ATRNL1: variants seen among roughly 807,000 people sequenced by gnomAD.
The protein encoded by ATRNL1 is attractin like 1, also known as attractin-like protein 1.
ATRNL1 carries 95 observed loss-of-function variants against 182.7 expected under a neutral mutation model. That is an observed-to-expected ratio of 0.52 (90% CI 0.44 to 0.62). ATRNL1 has a LOEUF of 0.62. Ranked by LOEUF, ATRNL1 falls within the 20% of genes least tolerant of loss-of-function variation. The pLI, the probability that ATRNL1 is intolerant of heterozygous loss-of-function variation, is 0.00. For synonymous variants in ATRNL1, 576 were observed against 568.3 expected, an observed-to-expected ratio of 1.01 and a Z score of -0.19; for missense variants, 1,471 against 1,679.5, an observed-to-expected ratio of 0.88 and a Z score of 2.17.
intron 27 of ATRNL1, among the ~76,000 whole-genome samples, chr10:115,733,723 TA>T (rs1555064194): frequency 6.6e-6 from 1 of 152,192 alleles, no homozygotes; most frequent in Non-Finnish European, 1.5e-5. Context: ...GCAGCTTATT[TA>T]ATTTTCCCCA....
chr10:115,868,822 C>CTTTTTTTTTTTTTTTTTTTTTT lies in ATRNL1; in HGVS notation c.4018+20835_4018+20856dup, dbSNP rs67676674. ...ATATATCTGGTGGCAAGTCTTTATT[C>CTTTTTTTTTTTTTTTTTTTTTT]TTTTTTTTTTTTTTTTTTTTTTTTT... On this transcript the variant is annotated intron_variant, in intron 28 of 28. Coordinates refer to ENST00000355044, the MANE Select transcript of ATRNL1 (RefSeq NM_207303.4). 7.6e-4 allele frequency among the ~76,000 whole-genome samples: 44 copies of CTTTTTTTTTTTTTTTTTTTTTT among 58,092 alleles called. 8 individuals carry two copies. The highest frequency in any genetic ancestry group is 9.0e-4 in the African/African-American group (15 of 16,648). 38.1% of individuals were successfully genotyped at this position (58,092 alleles called of 152,430 possible).
chr10:115,152,744 A>G (rs1316468614), intron 5 of ATRNL1, among the ~76,000 whole-genome samples: 2 of 152,120 alleles, frequency 1.3e-5, no homozygotes, highest in African/African-American at 4.8e-5. Flanking sequence ...AGAACTTCCA[A>G]CACTATGTTG....
chr10:115,845,296 C>T (rs1555098418), intron 27 of ATRNL1, among the ~76,000 whole-genome samples: 2 of 151,892 alleles, frequency 1.3e-5, no homozygotes, highest in East Asian at 1.9e-4. Context: ...GTTTTCTATA[C>T]AATAGCAGTA....
At chr10:115,270,664 C>T (rs994394231) in intron 13 of ATRNL1, among the ~76,000 whole-genome samples, 2 of 151,862 alleles carry the variant, frequency 1.3e-5, no homozygotes, top group African/African-American at 4.8e-5. Flanking sequence ...GAAATTCTTT[C>T]TTCCTCTACT....
At chr10:115,832,162 T>C (rs1299676051) in intron 27 of ATRNL1, among the ~76,000 whole-genome samples, 1 of 152,206 alleles carries the variant, frequency 6.6e-6, no homozygotes, top group Non-Finnish European at 1.5e-5. Flanking sequence ...GTTTAGTTTC[T>C]GTAGAAAGGG....
intron 26 of ATRNL1, among the ~76,000 whole-genome samples, chr10:115,621,272 T>TAGAGAGAG (rs1167604359): frequency 3.1e-4 from 15 of 48,432 alleles, no homozygotes; most frequent in Admixed American, 8.7e-4. Flanking sequence ...TATATATATA[T>TAGAGAGAG]ATATAGAGAG....
At chr10:115,411,145 A>G (rs1845119422) in intron 20 of ATRNL1, among the ~76,000 whole-genome samples, 2 of 151,742 alleles carry the variant, frequency 1.3e-5, no homozygotes, top group South Asian at 4.1e-4. Flanking sequence ...CCCTTATTTT[A>G]GTCTCTGAGT....
chr10:115,171,231 C>G lies in ATRNL1; in HGVS notation c.1287C>G (p.Ile429Met), dbSNP rs782690961. The G allele has an allele frequency of 5.2e-5, 84 of 1,609,724 alleles. No homozygotes were observed. Among genetic ancestry groups the G allele is most frequent in the Non-Finnish European group, 6.9e-5 (81 of 1,177,238 alleles). Residue 429 changes from isoleucine (I) to methionine (M), a missense_variant, in exon 8 of 29, where the codon ATC becomes ATG. By Grantham distance (10) the Ile-to-Met change is conservative (BLOSUM62 1). Transcript: ENST00000355044. ...TGGATAGTAGAGATGTTGTCATGAT[C>G]ATAATATTTGGATATTCTGCAATAT... is the stretch of plus-strand genomic sequence containing the variant. ...MELDSRDVVM[I>M]IIFGYSAIYG... is the part of the protein sequence containing the mutation.
At chr10:115,102,698 C>T (rs1024656201) in intron 1 of ATRNL1, among the ~76,000 whole-genome samples, 6 of 152,110 alleles carry the variant, frequency 3.9e-5, no homozygotes, top group Admixed American at 1.3e-4. Flanking sequence ...CCACCCACCT[C>T]GGCCTCCCAA....
At position 115,403,257 on chromosome 10, in the gene ATRNL1, C is replaced by CTTTTTTTTT. The variant is rs59256867; in HGVS notation, c.3269+8516_3269+8524dup. Among the ~76,000 whole-genome samples, 556 of 107,366 alleles carry CTTTTTTTTT rather than the reference C, an allele frequency of 5.2e-3. 35 individuals are homozygous for CTTTTTTTTT. Among genetic ancestry groups the CTTTTTTTTT allele is most frequent in the African/African-American group, 0.025 (510 of 20,334 alleles). The allele number at this position is 107,366 out of a possible 152,430, so 70.4% of individuals were successfully genotyped here. On this transcript the variant is annotated intron_variant, in intron 20 of 28. Transcript: ENST00000355044. ...CTTTATTTTTCCTAATTACTCTCAT[C>CTTTTTTTTT]TTTTTTTTTTTTTTTTTTTAGTCTG...
chr10:115,093,458 C>A lies in ATRNL1; in HGVS notation c.-293C>A, dbSNP rs1467646746. The stretch of plus-strand genomic sequence containing the variant: ...TCAGGAGCGCCGGGCGCAGTCTGCG[C>A]CTCCCGCTCCCCGCCTCCGGCCGGG... On this transcript the variant is annotated 5_prime_UTR_variant, in exon 1 of 29. Transcript: ENST00000355044. The surrounding 1 kb of genome is among the most constrained non-coding windows in gnomAD (Gnocchi z 6.1). The A allele has an allele frequency of 1.8e-6, 1 of 554,762 alleles. No homozygotes were observed. The highest frequency in any genetic ancestry group is 3.3e-6 in the Non-Finnish European group (1 of 305,170). 34.4% of individuals were successfully genotyped at this position (554,762 alleles called of 1,614,324 possible). A position where few individuals can be genotyped will look rare whatever the true frequency, so the allele number is the denominator to read the frequency against.
intron 1 of ATRNL1, among the ~76,000 whole-genome samples, chr10:115,119,235 C>T (rs1844618928): frequency 6.6e-6 from 1 of 152,006 alleles, no homozygotes; most frequent in African/African-American, 2.4e-5. Flanking sequence ...TTTCTGTCAA[C>T]CCTGATTTAG....
chr10:115,909,964 G>A (rs1952623893), intron 28 of ATRNL1, among the ~76,000 whole-genome samples: 3 of 152,170 alleles, frequency 2.0e-5, no homozygotes. Context: ...TAAATTGAAA[G>A]TTGGCTGTTA....
intron 21 of ATRNL1, among the ~76,000 whole-genome samples, chr10:115,446,590 C>T (rs1847006843): frequency 6.6e-6 from 1 of 151,842 alleles, no homozygotes; most frequent in African/African-American, 2.4e-5. Flanking sequence ...TGCTCTTTTT[C>T]TCTTCTTACC....
intron 15 of ATRNL1, among the ~76,000 whole-genome samples, chr10:115,294,761 T>C (rs1046739439): frequency 6.6e-6 from 1 of 152,156 alleles, no homozygotes; most frequent in East Asian, 1.9e-4. Flanking sequence ...ATTAGTTCAA[T>C]GGGGTGTATT....
At chr10:115,208,508 G>A (rs1317294918) in intron 8 of ATRNL1, among the ~76,000 whole-genome samples, 1 of 152,008 alleles carries the variant, frequency 6.6e-6, no homozygotes, top group East Asian at 1.9e-4. Context: ...TGAACATTCT[G>A]GGAGTTTGCT....
chr10:115,139,252 A>G (rs973158470), intron 5 of ATRNL1, among the ~76,000 whole-genome samples: 3 of 151,992 alleles, frequency 2.0e-5, no homozygotes, highest in Admixed American at 6.6e-5. Context: ...AAGCGTTTCA[A>G]CCTCTGCCTG....
intron 26 of ATRNL1, among the ~76,000 whole-genome samples, chr10:115,571,969 A>G (rs1854420077): frequency 6.6e-6 from 1 of 152,076 alleles, no homozygotes; most frequent in Non-Finnish European, 1.5e-5. Flanking sequence ...CACACATAGA[A>G]AAAGCCATGT....
At chr10:115,212,587 A>C (rs143863271) in intron 8 of ATRNL1, among the ~76,000 whole-genome samples, 1 of 152,226 alleles carries the variant, frequency 6.6e-6, no homozygotes, top group East Asian at 1.9e-4. Flanking sequence ...ACAATAGCAA[A>C]GAATCAATCT....
Sources: gnomAD v4.1 joint callset for allele counts (sites outside exome capture counted in the v4.1 genomes callset) on GRCh38, gnomAD v4.1.1 for gene constraint, Gnocchi (gnomAD v3.1) non-coding constraint, MANE v1.5 for transcripts, NCBI Gene and HGNC (gene_info 2026-07-23, HGNC 2026-07-21) for gene names.